The following ZNF136 variants were observed in gnomAD, a reference collection of about 807,000 sequenced individuals.
The protein encoded by ZNF136 is zinc finger protein 136.
Under a neutral mutation model 11.4 loss-of-function variants are expected in ZNF136, and 8 were observed. That is an observed-to-expected ratio of 0.70 (90% CI 0.41 to 1.27). ZNF136 has a LOEUF of 1.27. ZNF136 is among the 50% of genes most tolerant of loss of function. The probability of loss-of-function intolerance (pLI) is 0.01; values close to 1 mark genes in which losing one functional copy is unlikely to be tolerated. For synonymous variants in ZNF136, 190 were observed against 207.1 expected (o/e 0.92, Z 0.71); for missense variants, 590 against 656.5 (o/e 0.90, Z 1.11).
chr19:12,174,982 G>A (rs570182856), intron 1 of ZNF136, among the ~76,000 whole-genome samples: 3 of 150,244 alleles, frequency 2.0e-5, no homozygotes, highest in South Asian at 4.2e-4. Context: ...TCAGCCTCCC[G>A]AGTAGCTGGG....
At chr19:12,168,341 T>TG (rs760900030) in intron 1 of ZNF136, among the ~76,000 whole-genome samples, 3 of 152,092 alleles carry the variant, frequency 2.0e-5, no homozygotes, top group Non-Finnish European at 2.9e-5. Context: ...CCCAAAGTGC[T>TG]GGGATTACAG....
chr19:12,178,125 A>G (rs1895811689), intron 1 of ZNF136, among the ~76,000 whole-genome samples: 1 of 152,166 alleles, frequency 6.6e-6, no homozygotes, highest in Non-Finnish European at 1.5e-5. Context: ...ATAAATAATA[A>G]AAGTTTTAAA....
At chr19:12,180,503 G>A (rs1282533400) in intron 1 of ZNF136, among the ~76,000 whole-genome samples, 1 of 152,082 alleles carries the variant, frequency 6.6e-6, no homozygotes, top group East Asian at 1.9e-4. Context: ...TTTATAAGAA[G>A]GAAATAAGCA....
intron 1 of ZNF136, among the ~76,000 whole-genome samples, chr19:12,170,754 C>G (rs1336941903): frequency 1.3e-5 from 2 of 151,756 alleles, no homozygotes; most frequent in Admixed American, 1.3e-4. Flanking sequence ...ACTGCAACCT[C>G]TGCCTCCTGG....
At chr19:12,176,316 C>A (rs1467454168) in intron 1 of ZNF136, among the ~76,000 whole-genome samples, 1 of 151,790 alleles carries the variant, frequency 6.6e-6, no homozygotes, top group Non-Finnish European at 1.5e-5. Flanking sequence ...GTATGATCTC[C>A]TGATTCAATG....
rs544718260 is a variant in ZNF136, at chr19:12,163,130, G to GTC, written c.-70_-69dup. On this transcript the variant is annotated 5_prime_UTR_variant, in exon 1 of 4. Coordinates refer to ENST00000343979, the MANE Select transcript of ZNF136 (RefSeq NM_003437.5). ...AGAGGCCCAGAGTGGCTCGCCTGGAGTCTCTGTGGCGCGGTTTCCTGTACC... is the reference window on the plus strand; with the variant it reads ...AGAGGCCCAGAGTGGCTCGCCTGGAGTCTCTCTGTGGCGCGGTTTCCTGTACC... The GTC allele has an allele frequency of 5.6e-4, 780 of 1,386,262 alleles. No individual in the cohort carries two copies. Among genetic ancestry groups the GTC allele is most frequent in the Admixed American group, 1.6e-3 (55 of 34,424 alleles). 85.9% of individuals were successfully genotyped at this position (1,386,262 alleles called of 1,614,324 possible). A position where few individuals can be genotyped will look rare whatever the true frequency, so the allele number is the denominator to read the frequency against.
chr19:12,176,780 TC>T (rs1914805076), intron 1 of ZNF136, among the ~76,000 whole-genome samples: 1 of 152,154 alleles, frequency 6.6e-6, no homozygotes, highest in Non-Finnish European at 1.5e-5. Context: ...TGGTGCTTAG[TC>T]CTAAGGAGAG....
Position 12,187,677 on chromosome 19 carries a change from A to G in ZNF136, c.1299A>G (p.Thr433=). Residue 433 remains threonine, a synonymous_variant, in exon 4 of 4, where the codon ACA becomes ACG. Coordinates refer to ENST00000343979, the MANE Select transcript of ZNF136 (RefSeq NM_003437.5). Reference sequence around the variant, plus strand: ...GTGGTAAAGCTTTCGTTTCTTCAACATCAATTCGAATACATGAAAGAACTC... The same window carrying G: ...GTGGTAAAGCTTTCGTTTCTTCAACGTCAATTCGAATACATGAAAGAACTC... ...KHCGKAFVSS[T]SIRIHERTHT... The G allele has an allele frequency of 6.2e-7, 1 of 1,614,068 alleles. No individual in the cohort carries two copies. The highest frequency in any genetic ancestry group is 8.5e-7 in the Non-Finnish European group (1 of 1,180,002).
rs1914548853 is a variant in ZNF136, at chr19:12,168,510, A to C, written c.3+5304A>C. Among the ~76,000 whole-genome samples the C allele has an allele frequency of 2.0e-5, 3 of 152,050 alleles. No homozygotes were observed. In the South Asian group the frequency reaches 6.2e-4, roughly 32 times the overall value. On this transcript the variant is annotated intron_variant, in intron 1 of 3. Coordinates refer to ENST00000343979, the MANE Select transcript of ZNF136 (RefSeq NM_003437.5). ...TGATGTTCTAGGAGGGTGGTACTCA[A>C]GTCCTGTAGGGAAGGGGGTCCTATA... is the stretch of plus-strand genomic sequence containing the variant.
At chr19:12,183,013 G>A (rs910140364) in intron 1 of ZNF136, among the ~76,000 whole-genome samples, 1 of 152,054 alleles carries the variant, frequency 6.6e-6, no homozygotes. Flanking sequence ...GATGAGAGGT[G>A]TATCTCAGAA....
intron 1 of ZNF136, among the ~76,000 whole-genome samples, chr19:12,180,252 G>A (rs1159617292): frequency 6.6e-6 from 1 of 152,166 alleles, no homozygotes; most frequent in African/African-American, 2.4e-5. Flanking sequence ...AACCTAGCAA[G>A]GGACAGAGAC....
At chr19:12,168,556 A>G (rs1024567530) in intron 1 of ZNF136, among the ~76,000 whole-genome samples, 4 of 152,000 alleles carry the variant, frequency 2.6e-5, no homozygotes, top group African/African-American at 7.3e-5. Context: ...TGGAGGGTCT[A>G]GTGAATATTG....
intron 1 of ZNF136, among the ~76,000 whole-genome samples, chr19:12,170,220 G>A (rs377257015): frequency 6.1e-4 from 93 of 152,044 alleles, no homozygotes; most frequent in African/African-American, 1.9e-3. Flanking sequence ...GAGCCACCGC[G>A]CCCGGCCTTT....
At chr19:12,175,140 G>A (rs1022440753) in intron 1 of ZNF136, among the ~76,000 whole-genome samples, 1 of 151,918 alleles carries the variant, frequency 6.6e-6, no homozygotes, top group Non-Finnish European at 1.5e-5. Flanking sequence ...AGAGAAAAAA[G>A]AGCAAGTGAA....
At chr19:12,173,713 C>A (rs576651649) in intron 1 of ZNF136, among the ~76,000 whole-genome samples, 1 of 152,080 alleles carries the variant, frequency 6.6e-6, no homozygotes, top group African/African-American at 2.4e-5. Context: ...GTTATGGGAC[C>A]CTCAATTTGA....
chr19:12,164,064 T>C (rs1977150514), intron 1 of ZNF136, among the ~76,000 whole-genome samples: 2 of 152,154 alleles, frequency 1.3e-5, no homozygotes, highest in South Asian at 4.1e-4. Flanking sequence ...ATCTAGTGAA[T>C]ATTGGGTCTT....
At position 12,184,298 on chromosome 19, in the gene ZNF136, C is replaced by T. The variant is rs542747569; in HGVS notation, c.4-1487C>T. 2.0e-3 allele frequency among the ~76,000 whole-genome samples: 299 copies of T among 150,862 alleles called. 1 individual carries two copies. Among genetic ancestry groups the T allele is most frequent in the African/African-American group, 6.8e-3 (278 of 41,074 alleles). ...AAAGAGGGCTGGGTGTGGTGGCTCA[C>T]GCCTGTAATCCCAGCACTTTGGGAG... On this transcript the variant is annotated intron_variant, in intron 1 of 3. Coordinates refer to ENST00000343979, the MANE Select transcript of ZNF136 (RefSeq NM_003437.5).
In ZNF136 at chr19:12,187,782, G is replaced by A. The variant is rs886581840; in HGVS notation, c.1404G>A (p.Met468Ile). 2 of 1,609,430 alleles carry A rather than the reference G, an allele frequency of 1.2e-6. No individual in the cohort carries two copies. The highest frequency in any genetic ancestry group is 2.7e-5 in the African/African-American group (2 of 74,436). Residue 468 changes from methionine to isoleucine, a missense_variant, in exon 4 of 4, where the codon ATG (methionine) becomes ATA (isoleucine). Coordinates refer to ENST00000343979, the MANE Select transcript of ZNF136 (RefSeq NM_003437.5). ...SYLNSFRTHEMIHTGEKPFEC... is the reference protein window; with the variant it reads ...SYLNSFRTHEIIHTGEKPFEC... ...TCAACTCCTTTCGAACACATGAAAT[G>A]ATTCACACTGGTGAGAAACCCTTTG... is the stretch of plus-strand genomic sequence containing the variant.
In ZNF136 at chr19:12,186,771, A is replaced by G; in HGVS notation, c.393A>G (p.Glu131=). ...IKDHSGHEPK[E]YQEYGEKPDT... is the part of the protein sequence containing the mutation. ...ATCACAGTGGACATGAACCAAAGGA[A>G]TATCAGGAATATGGAGAGAAGCCAG... Residue 131 remains glutamate (E), a synonymous_variant, in exon 4 of 4, where the codon GAA becomes GAG. Coordinates refer to ENST00000343979, the MANE Select transcript of ZNF136 (RefSeq NM_003437.5). The G allele has an allele frequency of 1.2e-6, 2 of 1,614,188 alleles. No individual in the cohort carries two copies. The highest frequency in any genetic ancestry group is 1.1e-5 in the South Asian group (1 of 91,082).
Sources: gnomAD v4.1 joint callset for allele counts (sites outside exome capture counted in the v4.1 genomes callset) on GRCh38, gnomAD v4.1.1 for gene constraint, MANE v1.5 for transcripts, NCBI Gene and HGNC (gene_info 2026-07-23, HGNC 2026-07-21) for gene names.